The following CMIP variants were observed in gnomAD, a reference collection of about 807,000 sequenced individuals.
CMIP encodes C-Maf-inducing protein.
In CMIP, 13 loss-of-function variants were observed where a neutral mutation model predicts 97.3. That is an observed-to-expected ratio of 0.13 (90% CI 0.09 to 0.21). The LOEUF is 0.21. Ranked by LOEUF, CMIP falls within the 10% of genes least tolerant of loss-of-function variation. The pLI is 1.00. For missense variants in CMIP, 847 were observed against 1,024.9 expected, an observed-to-expected ratio of 0.83 and a Z score of 2.37; for synonymous variants, 538 against 436.3, an observed-to-expected ratio of 1.23 and a Z score of -2.91.
chr16:81,676,217 T>G (rs1904305709), intron 9 of CMIP, among the ~76,000 whole-genome samples: 1 of 152,178 alleles, frequency 6.6e-6, no homozygotes. Context: ...GAGCCCACAG[T>G]AGCCTGGGTT....
At chr16:81,595,916 TG>T (rs2091547956) in intron 1 of CMIP, among the ~76,000 whole-genome samples, 1 of 152,240 alleles carries the variant, frequency 6.6e-6, no homozygotes, top group South Asian at 2.1e-4. Flanking sequence ...GTGGAATTAC[TG>T]GGTCATACTT....
At chr16:81,596,784 C>G (rs953621283) in intron 1 of CMIP, among the ~76,000 whole-genome samples, 1 of 152,130 alleles carries the variant, frequency 6.6e-6, no homozygotes, top group Non-Finnish European at 1.5e-5. Context: ...CCAAGAAACC[C>G]TTTAGTCCTA....
At chr16:81,553,621 A>T (rs2090704133) in intron 1 of CMIP, among the ~76,000 whole-genome samples, 1 of 151,948 alleles carries the variant, frequency 6.6e-6, no homozygotes, top group Admixed American at 6.6e-5. Context: ...AGAGAGAGAG[A>T]CCTCTAAACA....
At chr16:81,701,322 G>A (rs1907375516) in intron 15 of CMIP, among the ~76,000 whole-genome samples, 1 of 152,144 alleles carries the variant, frequency 6.6e-6, no homozygotes, top group Non-Finnish European at 1.5e-5. Context: ...GGGAGAGAGA[G>A]GTGTCTTAAC....
At chr16:81,687,553 T>A (rs1905550139) in intron 10 of CMIP, among the ~76,000 whole-genome samples, 1 of 152,186 alleles carries the variant, frequency 6.6e-6, no homozygotes, top group African/African-American at 2.4e-5. Context: ...GGTCATGGTC[T>A]TTGAAGCACC....
chr16:81,514,731 G>A (rs2089879444), intron 1 of CMIP, among the ~76,000 whole-genome samples: 1 of 152,136 alleles, frequency 6.6e-6, no homozygotes, highest in Admixed American at 6.5e-5. Context: ...CTGTGCCTCA[G>A]TCTCCTTATC....
chr16:81,504,689 G>A (rs1047461427), intron 1 of CMIP, among the ~76,000 whole-genome samples: 7 of 149,116 alleles, frequency 4.7e-5, no homozygotes, highest in Non-Finnish European at 1.0e-4. Flanking sequence ...AAAAATGGCC[G>A]GTGGGCCTGC....
chr16:81,656,669 G>T (rs963313638), intron 4 of CMIP, among the ~76,000 whole-genome samples: 5 of 152,148 alleles, frequency 3.3e-5, no homozygotes, highest in Admixed American at 3.3e-4. Flanking sequence ...AGACAGTCTC[G>T]CTCTGTCGCC....
Position 81,445,236 on chromosome 16 carries a change from G to A in CMIP, c.-6G>A. ...CCCGCCCCCAGCCCCCTCCCCCGGC[G>A]CGGCCATGGATGTGACCAGCAGCTC... On this transcript the variant is annotated 5_prime_UTR_variant, in exon 1 of 21. Transcript: ENST00000537098. 1.3e-6 allele frequency: 2 copies of A among 1,485,478 alleles called. No homozygotes were observed. The highest frequency in any genetic ancestry group is 1.8e-6 in the Non-Finnish European group (2 of 1,116,766). 92.0% of individuals were successfully genotyped at this position (1,485,478 alleles called of 1,614,324 possible).
At chr16:81,618,898 C>T (rs571177588) in intron 2 of CMIP, 5 of 152,320 alleles carry the variant, frequency 3.3e-5, no homozygotes, top group African/African-American at 1.2e-4. Flanking sequence ...CACAGCTCTC[C>T]CCGAGCAGGG....
chr16:81,549,932 TTG>T (rs900738534), intron 1 of CMIP, among the ~76,000 whole-genome samples: 2 of 152,146 alleles, frequency 1.3e-5, no homozygotes, highest in African/African-American at 2.4e-5. Flanking sequence ...GCTTGTGCAT[TTG>T]TGTGTGTGTG....
At chr16:81,660,700 G>A (rs964686749) in intron 5 of CMIP, among the ~76,000 whole-genome samples, 184 bp from the exon 6 acceptor site, 1 of 151,870 alleles carries the variant, frequency 6.6e-6, no homozygotes, top group African/African-American at 2.4e-5. Flanking sequence ...AGACAGATAC[G>A]GTTGTGGATT....
At chr16:81,548,811 A>C (rs1045241615) in intron 1 of CMIP, among the ~76,000 whole-genome samples, 2 of 152,146 alleles carry the variant, frequency 1.3e-5, no homozygotes, top group Admixed American at 1.3e-4. Flanking sequence ...ATGCTGCTGC[A>C]CTCCAGCCTG....
At chr16:81,450,160 G>A (rs1483821917) in intron 1 of CMIP, among the ~76,000 whole-genome samples, 4 of 152,206 alleles carry the variant, frequency 2.6e-5, no homozygotes, top group African/African-American at 9.6e-5. Context: ...CTGTCCCAGG[G>A]TACCTCAACT....
intron 3 of CMIP, among the ~76,000 whole-genome samples, chr16:81,650,489 G>A (rs932381919): frequency 9.2e-5 from 14 of 152,072 alleles, no homozygotes; most frequent in African/African-American, 3.4e-4. Context: ...GTGATGGGCG[G>A]GGGGAATGAA....
chr16:81,599,519 C>A (rs1002297078), intron 1 of CMIP, among the ~76,000 whole-genome samples: 1 of 152,182 alleles, frequency 6.6e-6, no homozygotes, highest in Non-Finnish European at 1.5e-5. Context: ...AAGGGTGGAC[C>A]TGAGGCCCCT....
intron 1 of CMIP, among the ~76,000 whole-genome samples, chr16:81,471,487 T>C (rs1907549105): frequency 6.6e-6 from 1 of 152,084 alleles, no homozygotes; most frequent in Non-Finnish European, 1.5e-5. Flanking sequence ...TGCACACAGA[T>C]ACATAGGCAT....
rs1247230865 is a variant in CMIP at position 81,678,355 on chromosome 16, G to A, written c.1115G>A (p.Arg372His). The change falls in exon 10 of 21, where the codon CGC (arginine) becomes CAC (histidine). Residue 372 changes from arginine (R) to histidine (H), a missense_variant. Arg to His is a conservative substitution (Grantham distance 29). Around this residue, in one of 4 missense-constraint regions of CMIP, gnomAD observed 202 missense variants for 168.7 expected, o/e 1.20. Coordinates refer to ENST00000537098, the MANE Select transcript of CMIP (RefSeq NM_198390.3). ...PCDRKPTLPLRLLHPSPDLVS... is the reference protein window; with the variant it reads ...PCDRKPTLPLHLLHPSPDLVS... ...GACCGGAAGCCCACTTTACCTCTGC[G>A]CCTTCTGCACCCCAGCCCGGACCTG... 5 of 1,613,230 alleles carry A rather than the reference G, an allele frequency of 3.1e-6. No homozygotes were observed. The highest frequency in any genetic ancestry group is 4.2e-6 in the Non-Finnish European group (5 of 1,179,682).
intron 1 of CMIP, among the ~76,000 whole-genome samples, chr16:81,491,368 T>C (rs1016338329): frequency 2.6e-5 from 4 of 152,174 alleles, no homozygotes; most frequent in Admixed American, 6.5e-5. Context: ...CTCGTTTTCT[T>C]GGTAAAAACG....
Sources: gnomAD v4.1 joint callset for allele counts (sites outside exome capture counted in the v4.1 genomes callset) on GRCh38, gnomAD v4.1.1 for gene constraint, gnomAD v4.1.1 regional missense constraint, MANE v1.5 for transcripts, NCBI Gene and HGNC (gene_info 2026-07-23, HGNC 2026-07-21) for gene names.